Variants in PCDHA9 observed in about 807,000 individuals in gnomAD.
PCDHA9 encodes protocadherin alpha-9.
PCDHA9 carries 62 observed loss-of-function variants against 62.0 expected under a neutral mutation model. The ratio of observed to expected loss-of-function variants is 1.00; its 90% confidence interval spans 0.81 to 1.23. The LOEUF (loss-of-function observed/expected upper bound fraction) is 1.23, where lower values mean the gene tolerates loss of function less well. Among genes scored for constraint, PCDHA9 ranks in the 50% most tolerant of loss-of-function variants. PCDHA9 has a pLI of 0.00. For missense variants in PCDHA9, 1,205 were observed against 1,249.8 expected (o/e 0.96, Z 0.54); for synonymous variants, 557 against 567.6 (o/e 0.98, Z 0.27).
At chr5:140,868,420 A>C (rs1554161960) in intron 1 of PCDHA9, 1 of 152,238 alleles carries the variant, frequency 6.6e-6, no homozygotes, top group Non-Finnish European at 1.5e-5. Flanking sequence ...AAGCCCACAG[A>C]GATGAGAATA....
At chr5:140,857,677 T>A (rs377237803) in intron 1 of PCDHA9, 6 of 1,596,766 alleles carry the variant, frequency 3.8e-6, no homozygotes, top group Non-Finnish European at 4.3e-6. Flanking sequence ...GCGTGCCGCC[T>A]CTGGGCAGCA....
intron 1 of PCDHA9, among the ~76,000 whole-genome samples, chr5:140,898,264 C>T (rs1360270871): frequency 6.6e-6 from 1 of 152,166 alleles, no homozygotes; most frequent in Non-Finnish European, 1.5e-5. Context: ...AGTCCTTGCC[C>T]ATGCCTAAGT....
chr5:141,011,997 A>G lies in PCDHA9; in HGVS notation c.*2060A>G, dbSNP rs2098422641. ...TGTCTACTTTTAGCTTCATTCTCCCATATTTTGAAGGGTGTGTAACTTCAG... is the reference window on the plus strand; with the variant it reads ...TGTCTACTTTTAGCTTCATTCTCCCGTATTTTGAAGGGTGTGTAACTTCAG... On this transcript the variant is annotated 3_prime_UTR_variant, in exon 4 of 4. Coordinates refer to ENST00000532602, the MANE Select transcript of PCDHA9 (RefSeq NM_031857.2). 1 of 153,712 alleles carries G rather than the reference A, an allele frequency of 6.5e-6. No homozygotes were observed. Among genetic ancestry groups the G allele is most frequent in the Non-Finnish European group, 1.5e-5 (1 of 68,034 alleles). 9.5% of individuals were successfully genotyped at this position (153,712 alleles called of 1,614,324 possible).
chr5:140,861,503 C>G, intron 1 of PCDHA9: 1 of 478,536 alleles, frequency 2.1e-6, no homozygotes, highest in African/African-American at 2.0e-5. Flanking sequence ...TGATAGACCT[C>G]GAGGAGCTGT....
rs2150476768 is a variant in PCDHA9, at chr5:140,850,270, G to C, written c.1775G>C (p.Gly592Ala). The change falls in exon 1 of 4, where the codon GGG (glycine) becomes GCG (alanine). Residue 592 changes from glycine (G) to alanine (A), a missense_variant. By Grantham distance (60) the Gly-to-Ala change is moderately conservative (BLOSUM62 0). Transcript: ENST00000532602. ...TCGGTGGGCGCCGGCGTAGTGGTGG[G>C]GAAGGTGCGCGCAGTGGACGCCGAC... ...LRSVGAGVVV[G>A]KVRAVDADSG... 8 of 1,594,948 alleles carry C rather than the reference G, an allele frequency of 5.0e-6. 1 individual carries two copies. In the Admixed American group the frequency reaches 5.1e-5, roughly 10 times the overall value.
intron 3 of PCDHA9, among the ~76,000 whole-genome samples, chr5:141,007,801 G>T (rs559830556): frequency 2.6e-5 from 4 of 152,148 alleles, no homozygotes; most frequent in Non-Finnish European, 5.9e-5. Flanking sequence ...GCCTTTATCT[G>T]CCATTCATTT....
chr5:140,963,072 CAG>C (rs1366711310), intron 1 of PCDHA9, among the ~76,000 whole-genome samples: 5 of 151,824 alleles, frequency 3.3e-5, no homozygotes, highest in African/African-American at 1.2e-4. Flanking sequence ...GTGAAGGAGA[CAG>C]AAATATAAGA....
At chr5:140,966,968 G>T in intron 1 of PCDHA9, 1 of 1,602,616 alleles carries the variant, frequency 6.2e-7, no homozygotes. Context: ...GCTGGGGCTT[G>T]AGCTGCGGCG....
At chr5:140,870,257 C>A in intron 1 of PCDHA9, 2 of 1,614,172 alleles carry the variant, frequency 1.2e-6, no homozygotes, top group African/African-American at 1.3e-5. Flanking sequence ...GGACAGGTGA[C>A]CTGCTCGCTG....
Position 140,871,175 on chromosome 5 carries a change from C to A in PCDHA9, c.2394+20286C>A, listed in dbSNP as rs782460096. On this transcript the variant is annotated intron_variant, in intron 1 of 3. Coordinates refer to ENST00000532602, the MANE Select transcript of PCDHA9 (RefSeq NM_031857.2). The stretch of plus-strand genomic sequence containing the variant: ...GCGGGCGCCGCGAGCCCAGAGGCTG[C>A]GCTGGTGGATGTCAACGTGTACCTG... 1.4e-5 allele frequency: 22 copies of A among 1,613,402 alleles called. No individual in the cohort carries two copies. The highest frequency in any genetic ancestry group is 2.2e-5 in the South Asian group (2 of 91,092).
At chr5:140,954,367 C>T (rs246024) in intron 1 of PCDHA9, among the ~76,000 whole-genome samples, 85,692 of 152,060 alleles carry the variant, frequency 0.56, 24,769 homozygotes, top group African/African-American at 0.69. Context: ...CACACAGTCT[C>T]CCACAATGAG....
intron 1 of PCDHA9, among the ~76,000 whole-genome samples, chr5:140,916,543 G>A (rs1554197499): frequency 6.6e-6 from 1 of 152,152 alleles, no homozygotes; most frequent in Non-Finnish European, 1.5e-5. Context: ...AAGGCAATGG[G>A]TTTTCTATTT....
intron 1 of PCDHA9, chr5:140,853,279 A>T: frequency 1.0e-6 from 1 of 979,476 alleles, no homozygotes; most frequent in African/African-American, 1.8e-5. Flanking sequence ...CTCTCATCAT[A>T]TGCAAATTCT....
intron 1 of PCDHA9, chr5:140,876,545 C>T (rs1281346113): frequency 6.2e-7 from 1 of 1,614,082 alleles, no homozygotes; most frequent in Non-Finnish European, 8.5e-7. Flanking sequence ...CTGTCGCTCC[C>T]TGTGCAAGAG....
intron 1 of PCDHA9, among the ~76,000 whole-genome samples, chr5:140,898,580 T>G (rs541428438): frequency 2.9e-4 from 44 of 152,370 alleles, no homozygotes; most frequent in African/African-American, 1.0e-3. Flanking sequence ...CCATGCTGTT[T>G]TGGTTACTGT....
chr5:141,011,228 A>T lies in PCDHA9; in HGVS notation c.*1291A>T, dbSNP rs2098419864. 1 of 153,664 alleles carries T rather than the reference A, an allele frequency of 6.5e-6. No homozygotes were observed. The highest frequency in any genetic ancestry group is 1.5e-5 in the Non-Finnish European group (1 of 68,016). 9.5% of individuals were successfully genotyped at this position (153,664 alleles called of 1,614,324 possible). On this transcript the variant is annotated 3_prime_UTR_variant, in exon 4 of 4. Coordinates refer to ENST00000532602, the MANE Select transcript of PCDHA9 (RefSeq NM_031857.2). The stretch of plus-strand genomic sequence containing the variant: ...CAGTGAGCAGATTTTTCAATCTACT[A>T]ATTCTGTGACTTGTCTTGGTGTGCT...
At chr5:140,976,884 A>T (rs1423993981) in intron 1 of PCDHA9, among the ~76,000 whole-genome samples, 1 of 152,232 alleles carries the variant, frequency 6.6e-6, no homozygotes, top group Non-Finnish European at 1.5e-5. Context: ...AAGAATTAGG[A>T]TACATGCAAC....
rs57893927 is a variant in PCDHA9 at position 140,946,631 on chromosome 5, T to TATATATATATATACACAC, written c.2395-32317_2395-32316insTATATATATATACACACA. ...TGTGAAATATATATATATATATATA[T>TATATATATATATACACAC]ACAATGGAATACTCATCAGCCATTA... On this transcript the variant is annotated intron_variant, in intron 1 of 3. Transcript: ENST00000532602. Among the ~76,000 whole-genome samples the TATATATATATATACACAC allele has an allele frequency of 9.9e-5, 13 of 131,856 alleles. 1 individual carries two copies. The East Asian group carries it at 2.7e-3, about 27-fold the overall frequency. 86.5% of individuals were successfully genotyped at this position (131,856 alleles called of 152,430 possible). A position where few individuals can be genotyped will look rare whatever the true frequency, so the allele number is the denominator to read the frequency against.
chr5:140,876,301 A>G (rs2056269338), intron 1 of PCDHA9: 2 of 1,614,076 alleles, frequency 1.2e-6, no homozygotes, highest in East Asian at 4.5e-5. Flanking sequence ...TAATGGAGAA[A>G]TTTCCTATGG....
Sources: gnomAD v4.1 joint callset for allele counts (sites outside exome capture counted in the v4.1 genomes callset) on GRCh38, gnomAD v4.1.1 for gene constraint, MANE v1.5 for transcripts, NCBI Gene and HGNC (gene_info 2026-07-23, HGNC 2026-07-21) for gene names.